RABGAP1L: variants seen among roughly 807,000 people sequenced by gnomAD.
RABGAP1L encodes the protein rab GTPase-activating protein 1-like.
RABGAP1L carries 63 observed loss-of-function variants against 137.7 expected under a neutral mutation model. The observed-to-expected ratio is 0.46, with a 90% confidence interval of 0.37 to 0.56. The LOEUF is 0.56. RABGAP1L is among the 20% of genes least tolerant of loss of function. The pLI is 0.00. For synonymous variants in RABGAP1L, 431 were observed against 433.7 expected, an observed-to-expected ratio of 0.99 and a Z score of 0.08; for missense variants, 1,095 against 1,244.0, an observed-to-expected ratio of 0.88 and a Z score of 1.80.
chr1:174,346,441 T>C (rs976168911), intron 11 of RABGAP1L, among the ~76,000 whole-genome samples: 23 of 152,252 alleles, frequency 1.5e-4, no homozygotes, highest in African/African-American at 5.1e-4. Context: ...TCTATTCAGG[T>C]TTTGGATTTC....
At chr1:174,333,828 A>G (rs1025648567) in intron 11 of RABGAP1L, among the ~76,000 whole-genome samples, 3 of 152,292 alleles carry the variant, frequency 2.0e-5, no homozygotes, top group African/African-American at 7.2e-5. Context: ...ATGTTTCCAC[A>G]GTATTGTTAG....
intron 1 of RABGAP1L, among the ~76,000 whole-genome samples, chr1:174,179,544 GCACACACA>G (rs56839600): frequency 0.025 from 3,621 of 147,138 alleles, 109 homozygotes; most frequent in Admixed American, 0.08. Flanking sequence ...CTTAGCACGT[GCACACACA>G]CACACACACA....
intron 19 of RABGAP1L, among the ~76,000 whole-genome samples, chr1:174,841,677 C>G (rs1206818835): frequency 2.0e-5 from 3 of 151,498 alleles, no homozygotes; most frequent in Non-Finnish European, 4.4e-5. Context: ...GGGCATAAAC[C>G]AAGAAATAAT....
At chr1:174,636,718 A>T (rs1674073987) in intron 13 of RABGAP1L, among the ~76,000 whole-genome samples, 1 of 152,186 alleles carries the variant, frequency 6.6e-6, no homozygotes, top group African/African-American at 2.4e-5. Context: ...CAGATGAGAA[A>T]TACATACTCT....
intron 3 of RABGAP1L, among the ~76,000 whole-genome samples, chr1:174,230,459 C>T (rs1485279688): frequency 6.6e-6 from 1 of 151,986 alleles, no homozygotes; most frequent in Non-Finnish European, 1.5e-5. Context: ...GGTGAAGGGA[C>T]GATTTCTGGT....
At position 174,637,502 on chromosome 1, in the gene RABGAP1L, C is replaced by T. The variant is rs769278245; in HGVS notation, c.1824+14C>T. The T allele has an allele frequency of 5.9e-6, 9 of 1,528,974 alleles. No individual in the cohort carries two copies. The highest frequency in any genetic ancestry group is 1.7e-4 in the Middle Eastern group (1 of 5,850). The allele number at this position is 1,528,974 out of a possible 1,614,324, so 94.7% of individuals were successfully genotyped here. On this transcript the variant is annotated intron_variant, in intron 14 of 25. Transcript: ENST00000681986. ...AAGATCTGCAAGGTAGGACTCTCTTCCTCACTTTTTCTAAATTATTTTACA... is the reference window on the plus strand; with the variant it reads ...AAGATCTGCAAGGTAGGACTCTCTTTCTCACTTTTTCTAAATTATTTTACA...
At chr1:174,460,172 A>C (rs1656513955) in intron 13 of RABGAP1L, among the ~76,000 whole-genome samples, 2 of 152,114 alleles carry the variant, frequency 1.3e-5, no homozygotes, top group Non-Finnish European at 2.9e-5. Context: ...GAGTTATAGC[A>C]AATCATTATT....
At chr1:174,463,030 A>G (rs547004335) in intron 13 of RABGAP1L, among the ~76,000 whole-genome samples, 1 of 152,216 alleles carries the variant, frequency 6.6e-6, no homozygotes, top group East Asian at 1.9e-4. Flanking sequence ...TGGAGAGGAT[A>G]TGGAGAAACA....
intron 13 of RABGAP1L, among the ~76,000 whole-genome samples, chr1:174,510,253 A>G (rs1054482204): frequency 6.6e-6 from 1 of 152,106 alleles, no homozygotes; most frequent in Admixed American, 6.6e-5. Context: ...GTTATTTTCC[A>G]TCCATATGTC....
chr1:174,360,743 CTT>C (rs1684066477), intron 11 of RABGAP1L, among the ~76,000 whole-genome samples: 1 of 152,152 alleles, frequency 6.6e-6, no homozygotes, highest in Admixed American at 6.5e-5. Flanking sequence ...GGGAGGAACT[CTT>C]TTCTCCCCAT....
intron 13 of RABGAP1L, among the ~76,000 whole-genome samples, chr1:174,531,136 A>AT (rs1241588485): frequency 1.7e-4 from 26 of 152,208 alleles, no homozygotes; most frequent in Non-Finnish European, 1.8e-4. Flanking sequence ...TATGTGAAGT[A>AT]TAAGAATAGA....
At chr1:174,572,377 ATGT>A (rs1415014513) in intron 13 of RABGAP1L, among the ~76,000 whole-genome samples, 3 of 150,766 alleles carry the variant, frequency 2.0e-5, no homozygotes, top group African/African-American at 4.9e-5. Flanking sequence ...AAGCCTCTAA[ATGT>A]TGTTTTTGTT....
At chr1:174,967,439 G>A (rs926597743) in intron 20 of RABGAP1L, among the ~76,000 whole-genome samples, 7 of 150,372 alleles carry the variant, frequency 4.7e-5, no homozygotes, top group Non-Finnish European at 1.0e-4. Flanking sequence ...TCAGGTTCAA[G>A]CAATTCTCCT....
chr1:174,968,104 A>G (rs1477861691), intron 20 of RABGAP1L, among the ~76,000 whole-genome samples: 5 of 152,148 alleles, frequency 3.3e-5, no homozygotes, highest in Non-Finnish European at 7.3e-5. Context: ...AACAGGAAAA[A>G]GAAAGAAATT....
In RABGAP1L at chr1:174,742,793, C is replaced by CTTTCTGAACAGAA. The variant is rs537865311; in HGVS notation, c.2170-9520_2170-9519insTTTCTGAACAGAA. Among the ~76,000 whole-genome samples the CTTTCTGAACAGAA allele has an allele frequency of 6.9e-3, 1,049 of 152,208 alleles. 8 individuals are homozygous for CTTTCTGAACAGAA. Among genetic ancestry groups the CTTTCTGAACAGAA allele is most frequent in the African/African-American group, 0.023 (969 of 41,516 alleles). On this transcript the variant is annotated intron_variant, in intron 17 of 25. Transcript: ENST00000681986. ...TTGAGAAGAACAGAAAGGTGAATGC[C>CTTTCTGAACAGAA]AGTATTCAATGGCCAATGGAACATG...
At chr1:174,843,727 A>C (rs1158785446) in intron 19 of RABGAP1L, among the ~76,000 whole-genome samples, 28 of 86,814 alleles carry the variant, frequency 3.2e-4, no homozygotes, top group Non-Finnish European at 5.3e-4. Flanking sequence ...ATTTATAGTC[A>C]TTTGGGTATA....
At chr1:174,202,235 C>T (rs1668167234) in intron 1 of RABGAP1L, among the ~76,000 whole-genome samples, 1 of 152,120 alleles carries the variant, frequency 6.6e-6, no homozygotes, top group African/African-American at 2.4e-5. Context: ...CACTGACTTC[C>T]ACAATGGTTG....
At chr1:174,534,143 T>TGC (rs1664684415) in intron 13 of RABGAP1L, among the ~76,000 whole-genome samples, 1 of 120,282 alleles carries the variant, frequency 8.3e-6, no homozygotes, top group Non-Finnish European at 1.8e-5. Flanking sequence ...TGTGTGTGTG[T>TGC]GTGTGTGTGT....
intron 13 of RABGAP1L, among the ~76,000 whole-genome samples, chr1:174,396,096 A>G (rs1246318734): frequency 6.6e-6 from 1 of 152,178 alleles, no homozygotes; most frequent in Non-Finnish European, 1.5e-5. Flanking sequence ...GATTATTTTT[A>G]TATAAAATGT....
Sources: gnomAD v4.1 joint callset for allele counts (sites outside exome capture counted in the v4.1 genomes callset) on GRCh38, gnomAD v4.1.1 for gene constraint, MANE v1.5 for transcripts, NCBI Gene and HGNC (gene_info 2026-07-23, HGNC 2026-07-21) for gene names.